ZNF292: variants seen among roughly 807,000 people sequenced by gnomAD.
ZNF292 encodes zinc finger protein 292.
A neutral mutation model predicts 217.9 loss-of-function variants in ZNF292; 26 were observed. The observed-to-expected ratio is 0.12, with a 90% CI of 0.09 to 0.17. ZNF292 has a LOEUF of 0.17. Among genes scored for constraint, ZNF292 ranks in the 10% least tolerant of loss-of-function variants. The pLI is 1.00. For missense variants in ZNF292, 2,904 were observed against 3,175.2 expected (o/e 0.91, Z 2.05); for synonymous variants, 1,257 against 1,124.1 (o/e 1.12, Z -2.37).
intron 4 of ZNF292, among the ~76,000 whole-genome samples, chr6:87,219,538 G>A (rs1438056676): frequency 6.6e-6 from 1 of 152,190 alleles, no homozygotes; most frequent in Non-Finnish European, 1.5e-5. Context: ...AAGGCCATGA[G>A]AAGGGAGTGT....
At chr6:87,220,430 G>A (rs1773026798) in intron 4 of ZNF292, among the ~76,000 whole-genome samples, 1 of 152,130 alleles carries the variant, frequency 6.6e-6, no homozygotes, top group Admixed American at 6.6e-5. Flanking sequence ...GGTTCAGAAA[G>A]ATGAGTATTT....
At chr6:87,197,689 C>G (rs1460031614) in intron 1 of ZNF292, among the ~76,000 whole-genome samples, 3 of 141,120 alleles carry the variant, frequency 2.1e-5, no homozygotes, top group Non-Finnish European at 4.5e-5. Flanking sequence ...CCACTGCACT[C>G]CAGCCTGAGC....
chr6:87,222,535 C>G (rs2127810025), intron 4 of ZNF292, among the ~76,000 whole-genome samples: 1 of 151,962 alleles, frequency 6.6e-6, no homozygotes, highest in East Asian at 1.9e-4. Flanking sequence ...TGAGGTTAGT[C>G]TGACCTAATT....
Position 87,265,011 on chromosome 6 carries a change from T to C in ZNF292, c.*3210T>C, listed in dbSNP as rs1775765544. On this transcript the variant is annotated 3_prime_UTR_variant, in exon 8 of 8. Transcript: ENST00000369577. Reference sequence around the variant, plus strand: ...ATGTCTAAGGCAGCCTGTTTCAGCATGTTTATTGTAGTGAGATACTAGGCA... The same window carrying C: ...ATGTCTAAGGCAGCCTGTTTCAGCACGTTTATTGTAGTGAGATACTAGGCA... 6.6e-6 allele frequency among the ~76,000 whole-genome samples: 1 copy of C among 152,164 alleles called. No homozygotes were observed. The highest frequency in any genetic ancestry group is 2.4e-5 in the African/African-American group (1 of 41,442).
At chr6:87,170,955 A>G (rs932996305) in intron 1 of ZNF292, among the ~76,000 whole-genome samples, 9 of 152,190 alleles carry the variant, frequency 5.9e-5, no homozygotes, top group African/African-American at 2.2e-4. Context: ...TTTCATTTAC[A>G]CTTAGACTAC....
At chr6:87,233,578 T>G in intron 5 of ZNF292, 51 bp downstream of exon 5, 1 of 1,570,012 alleles carries the variant, frequency 6.4e-7, no homozygotes, top group South Asian at 1.2e-5. Context: ...GAGAAATTAA[T>G]TTTTAATTAG....
chr6:87,218,609 A>C lies in ZNF292; in HGVS notation c.416A>C (p.Lys139Thr), dbSNP rs763498320. The stretch of plus-strand genomic sequence containing the variant: ...TAATATTTATAGGTAGCTCATGAAA[A>C]GCTGATGGAGAATGGCAGCTGTGAA... ...FQTLVQVAHE[K>T]LMENGSCELH... Residue 139 changes from lysine (K) to threonine (T), a missense_variant, in exon 4 of 8, where the codon AAG becomes ACG. Transcript: ENST00000369577. 10 of 1,548,496 alleles carry C rather than the reference A, an allele frequency of 6.5e-6. No individual in the cohort carries two copies. In the African/African-American group the frequency reaches 1.4e-4, roughly 21 times the overall value.
chr6:87,259,759 C>T lies in ZNF292; in HGVS notation c.6130C>T (p.Leu2044Phe). The stretch of plus-strand genomic sequence containing the variant: ...TGTAGCAGTGATCCCAGAAAAACAA[C>T]TTGTAGAAAAAAAAAGTCCTGACAA... ...SNVAVIPEKQLVEKKSPDKTE... is the reference protein window; with the variant it reads ...SNVAVIPEKQFVEKKSPDKTE... The change falls in exon 8 of 8, where the codon CTT becomes TTT. Residue 2044 changes from leucine to phenylalanine, a missense_variant. By Grantham distance (22) the Leu-to-Phe change is conservative. Around this residue, in one of 15 missense-constraint regions of ZNF292, gnomAD observed 261 missense variants for 272.8 expected, o/e 0.96. Transcript: ENST00000369577. 3.1e-6 allele frequency: 5 copies of T among 1,602,190 alleles called. No homozygotes were observed. Among genetic ancestry groups the T allele is most frequent in the Non-Finnish European group, 3.4e-6 (4 of 1,174,254 alleles).
intron 1 of ZNF292, among the ~76,000 whole-genome samples, chr6:87,190,390 C>T (rs895211521): frequency 1.3e-5 from 2 of 152,270 alleles, no homozygotes; most frequent in East Asian, 3.9e-4. Flanking sequence ...ATTACCTATG[C>T]TTGCTTACAG....
chr6:87,158,621 C>T (rs1770622856), intron 1 of ZNF292, among the ~76,000 whole-genome samples: 1 of 152,126 alleles, frequency 6.6e-6, no homozygotes, highest in South Asian at 2.1e-4. Context: ...TTGCAGTGAG[C>T]AGAGATGGTG....
chr6:87,170,821 T>C (rs574320712), intron 1 of ZNF292, among the ~76,000 whole-genome samples: 21 of 152,316 alleles, frequency 1.4e-4, no homozygotes, highest in South Asian at 2.1e-4. Flanking sequence ...TATTGTGACC[T>C]TGGCATGCCA....
intron 7 of ZNF292, among the ~76,000 whole-genome samples, chr6:87,252,130 TTTG>T (rs1358951421): frequency 2.1e-5 from 3 of 146,186 alleles, no homozygotes; most frequent in Non-Finnish European, 3.0e-5. Flanking sequence ...ATCCTTTCTG[TTTG>T]TTGTTTGTTT....
chr6:87,254,172 A>C (rs1240469461), intron 7 of ZNF292, among the ~76,000 whole-genome samples: 2 of 152,250 alleles, frequency 1.3e-5, no homozygotes, highest in Non-Finnish European at 1.5e-5. Flanking sequence ...TTTTATAATT[A>C]GATTAGAAGG....
chr6:87,257,656 G>A lies in ZNF292; in HGVS notation c.4027G>A (p.Val1343Ile), dbSNP rs769274513. The change falls in exon 8 of 8, where the codon GTT becomes ATT. Residue 1343 changes from valine (V) to isoleucine (I), a missense_variant. By Grantham distance (29) the Val-to-Ile change is conservative (BLOSUM62 3). Around this residue, in one of 15 missense-constraint regions of ZNF292, gnomAD observed 687 missense variants for 623.0 expected, o/e 1.10. Coordinates refer to ENST00000369577, the MANE Select transcript of ZNF292 (RefSeq NM_015021.3). ...TNAQQSAPEK[V>I]KKDRGRGPNG... is the part of the protein sequence containing the mutation. Reference sequence around the variant, plus strand: ...TGCCCAACAGTCTGCACCTGAAAAAGTTAAAAAAGACCGTGGGCGGGGCCC... The same window carrying A: ...TGCCCAACAGTCTGCACCTGAAAAAATTAAAAAAGACCGTGGGCGGGGCCC... 6.2e-6 allele frequency: 10 copies of A among 1,609,938 alleles called. No homozygotes were observed. Among genetic ancestry groups the A allele is most frequent in the Non-Finnish European group, 7.6e-6 (9 of 1,177,952 alleles).
At chr6:87,185,615 G>A (rs773155156) in intron 1 of ZNF292, among the ~76,000 whole-genome samples, 2 of 151,970 alleles carry the variant, frequency 1.3e-5, no homozygotes, top group Non-Finnish European at 2.9e-5. Context: ...CTACAGGTGC[G>A]TGCCATCACA....
chr6:87,233,576 A>G, intron 5 of ZNF292, 49 bp downstream of exon 5: 1 of 1,570,032 alleles, frequency 6.4e-7, no homozygotes, highest in Non-Finnish European at 8.6e-7. Flanking sequence ...TTGAGAAATT[A>G]ATTTTTAATT....
chr6:87,201,009 G>A (rs975451700), intron 1 of ZNF292, among the ~76,000 whole-genome samples: 9 of 152,186 alleles, frequency 5.9e-5, no homozygotes, highest in African/African-American at 2.2e-4. Context: ...GTGGAAATAA[G>A]ATTATTGGAT....
intron 1 of ZNF292, among the ~76,000 whole-genome samples, chr6:87,213,373 A>T (rs1279267889): frequency 6.6e-6 from 1 of 152,234 alleles, no homozygotes; most frequent in African/African-American, 2.4e-5. Context: ...CTCCTTGCAG[A>T]TGGAACAATG....
intron 4 of ZNF292, among the ~76,000 whole-genome samples, chr6:87,221,862 A>G (rs942867190): frequency 6.7e-6 from 1 of 150,318 alleles, no homozygotes; most frequent in African/African-American, 2.4e-5. Flanking sequence ...GGTCAGAGGT[A>G]TCTTCTTTCT....
Sources: gnomAD v4.1 joint callset for allele counts (sites outside exome capture counted in the v4.1 genomes callset) on GRCh38, gnomAD v4.1.1 for gene constraint, gnomAD v4.1.1 regional missense constraint, MANE v1.5 for transcripts, NCBI Gene and HGNC (gene_info 2026-07-23, HGNC 2026-07-21) for gene names.